Variants in UGT1A5 observed in about 807,000 individuals in gnomAD.
UGT1A5 encodes the protein UDP glucuronosyltransferase family 1 member A5.
UGT1A5 carries 29 observed loss-of-function variants against 40.3 expected under a neutral mutation model. That is an observed-to-expected ratio of 0.72 (90% CI 0.54 to 0.98). The LOEUF is 0.98. Among genes scored for constraint, UGT1A5 ranks in the 50% least tolerant of loss-of-function variants. The pLI is 0.00. For missense variants in UGT1A5, 678 were observed against 677.9 expected (o/e 1.00, Z 0.00); for synonymous variants, 257 against 262.5 (o/e 0.98, Z 0.20).
In UGT1A5 at chr2:233,713,517, A is replaced by G. The variant is rs191789950; in HGVS notation, c.526A>G (p.Ile176Val). The G allele has an allele frequency of 1.2e-6, 2 of 1,613,958 alleles. No homozygotes were observed. The highest frequency in any genetic ancestry group is 1.7e-6 in the Non-Finnish European group (2 of 1,179,872). ...TCCTGCTGTGTTTTTCTTGAGGAAC[A>G]TTCCATGTGATTTAGACTTTAAGGG... ...SIPAVFFLRN[I>V]PCDLDFKGTQ... The change falls in exon 1 of 5, where the codon ATT becomes GTT. Residue 176 changes from isoleucine (I) to valine (V), a missense_variant. Ile to Val is a conservative substitution (Grantham distance 29). Transcript: ENST00000373414.
chr2:233,733,268 A>G (rs2078375878), intron 1 of UGT1A5, among the ~76,000 whole-genome samples: 1 of 152,120 alleles, frequency 6.6e-6, no homozygotes. Flanking sequence ...GGACTATTTG[A>G]CTTCCTCTTT....
chr2:233,732,917 C>T (rs958837276), intron 1 of UGT1A5, among the ~76,000 whole-genome samples: 38 of 152,062 alleles, frequency 2.5e-4, no homozygotes, highest in Non-Finnish European at 3.8e-4. Context: ...GCCATTTTCA[C>T]GATATTGATT....
intron 1 of UGT1A5, among the ~76,000 whole-genome samples, chr2:233,736,744 G>A (rs1355723073): frequency 6.6e-6 from 1 of 152,214 alleles, no homozygotes; most frequent in Non-Finnish European, 1.5e-5. Context: ...GTTCCTTTCT[G>A]TTTGTTAGTT....
At chr2:233,766,684 A>G (rs935932983) in intron 1 of UGT1A5, among the ~76,000 whole-genome samples, 1 of 152,094 alleles carries the variant, frequency 6.6e-6, no homozygotes, top group Non-Finnish European at 1.5e-5. Flanking sequence ...TCCCTTCTGT[A>G]TCACTGATGC....
chr2:233,747,892 T>C, intron 1 of UGT1A5: 9 of 1,613,604 alleles, frequency 5.6e-6, no homozygotes, highest in Non-Finnish European at 6.8e-6. Flanking sequence ...TGCCATGCTC[T>C]TTCTGCTCCT....
At chr2:233,763,911 C>G (rs1698426001) in intron 1 of UGT1A5, among the ~76,000 whole-genome samples, 2 of 152,076 alleles carry the variant, frequency 1.3e-5, no homozygotes, top group Admixed American at 1.3e-4. Context: ...TAGTGAGGAC[C>G]AAGGCTTCGA....
Position 233,713,149 on chromosome 2 carries a change from C to G in UGT1A5, c.158C>G (p.Ala53Gly). 3.1e-6 allele frequency: 5 copies of G among 1,614,172 alleles called. No homozygotes were observed. The highest frequency in any genetic ancestry group is 4.2e-6 in the Non-Finnish European group (5 of 1,180,030). The change falls in exon 1 of 5, where the codon GCG becomes GGG. Residue 53 changes from alanine to glycine, a missense_variant. By Grantham distance (60) the Ala-to-Gly change is moderately conservative. Coordinates refer to ENST00000373414, the MANE Select transcript of UGT1A5 (RefSeq NM_019078.2). ...CGGGAGGCCTTGCGGGACCTCCATG[C>G]GAGAGGCCACCAGGTGGTGGTCCTC... ...SMREALRDLHARGHQVVVLTL... is the reference protein window; with the variant it reads ...SMREALRDLHGRGHQVVVLTL...
At chr2:233,743,383 G>A (rs1366748505) in intron 1 of UGT1A5, 1 of 1,197,714 alleles carries the variant, frequency 8.3e-7, no homozygotes, top group Non-Finnish European at 1.1e-6. Context: ...ACTACCGTAG[G>A]ACATGCAGAA....
rs1295748799 is a variant in UGT1A5 at position 233,713,717 on chromosome 2, G to A, written c.726G>A (p.Glu242=). The A allele has an allele frequency of 6.2e-7, 1 of 1,613,946 alleles. No homozygotes were observed. Among genetic ancestry groups the A allele is most frequent in the East Asian group, 2.2e-5 (1 of 44,876 alleles). ...TTGCCTCTGAGCTTTTTCAGAGAGA[G>A]GTGTCAGTGGTGGATCTTGTCAGCC... is the stretch of plus-strand genomic sequence containing the variant. ...ASLASELFQR[E]VSVVDLVSHA... is the part of the protein sequence containing the mutation. Residue 242 remains glutamate, a synonymous_variant, in exon 1 of 5, where the codon GAG becomes GAA. Coordinates refer to ENST00000373414, the MANE Select transcript of UGT1A5 (RefSeq NM_019078.2).
chr2:233,757,535 AAT>A (rs67292694), intron 1 of UGT1A5, among the ~76,000 whole-genome samples: 3,097 of 88,180 alleles, frequency 0.035, 322 homozygotes, highest in African/African-American at 0.14. Context: ...GCCTGTAAGG[AAT>A]ATATATATAT....
At chr2:233,754,968 C>T in intron 1 of UGT1A5, 3 of 1,303,126 alleles carry the variant, frequency 2.3e-6, no homozygotes, top group Non-Finnish European at 2.1e-6. Context: ...AAAGAACTCC[C>T]TGAAGACCTC....
At chr2:233,743,654 T>C in intron 1 of UGT1A5, 1 of 1,367,284 alleles carries the variant, frequency 7.3e-7, no homozygotes, top group Non-Finnish European at 9.8e-7. Context: ...GAAGACGTAC[T>C]CGAAGGGGTC....
At chr2:233,718,875 C>T in intron 1 of UGT1A5, 1 of 1,613,984 alleles carries the variant, frequency 6.2e-7, no homozygotes, top group Middle Eastern at 1.7e-4. Context: ...ACTGCTGCTC[C>T]TCCTCAGTGT....
intron 1 of UGT1A5, chr2:233,756,307 C>T (rs1373805537): frequency 6.6e-6 from 1 of 152,200 alleles, no homozygotes; most frequent in Non-Finnish European, 1.5e-5. Context: ...ATATAACCTA[C>T]CCATATCCTC....
At position 233,769,394 on chromosome 2, in the gene UGT1A5, T is replaced by C; in HGVS notation, c.1307+955T>C. On this transcript the variant is annotated intron_variant, in intron 4 of 4. Transcript: ENST00000373414. The surrounding 1 kb of genome is among the most constrained non-coding windows in gnomAD (Gnocchi z 4.4). The stretch of plus-strand genomic sequence containing the variant: ...ATTTCATCCGACAATAGATACTGTG[T>C]GCATATGTGCGTGTGCGTTTGTGCA... 1 of 1,112,930 alleles carries C rather than the reference T, an allele frequency of 9.0e-7. No homozygotes were observed. Among genetic ancestry groups the C allele is most frequent in the South Asian group, 1.4e-5 (1 of 69,644 alleles). 68.9% of individuals were successfully genotyped at this position (1,112,930 alleles called of 1,614,324 possible).
At chr2:233,756,026 C>T (rs573577160) in intron 1 of UGT1A5, 1 of 152,204 alleles carries the variant, frequency 6.6e-6, no homozygotes, top group Non-Finnish European at 1.5e-5. Context: ...TACACATCCC[C>T]CATGTAGCTT....
chr2:233,772,579 G>A lies in UGT1A5; in HGVS notation c.*20G>A. ...CATTGAGAAGTGGGTGGGAAATAAG[G>A]TAAAATTTTGAACCATTCCCTAGTC... On this transcript the variant is annotated 3_prime_UTR_variant, in exon 5 of 5. Transcript: ENST00000373414. The A allele has an allele frequency of 6.2e-7, 1 of 1,608,678 alleles. No homozygotes were observed. Among genetic ancestry groups the A allele is most frequent in the Non-Finnish European group, 8.5e-7 (1 of 1,177,120 alleles).
At chr2:233,772,210 A>AT in intron 4 of UGT1A5, 52 bp from the exon 5 acceptor site, 1 of 1,610,530 alleles carries the variant, frequency 6.2e-7, no homozygotes, top group Non-Finnish European at 8.5e-7. Context: ...TAAAGAGAGG[A>AT]TTGTTCATAC....
chr2:233,751,278 T>A (rs932458563), intron 1 of UGT1A5, among the ~76,000 whole-genome samples: 3 of 151,934 alleles, frequency 2.0e-5, no homozygotes, highest in African/African-American at 7.3e-5. Flanking sequence ...TTTTGGCCAG[T>A]TTCTCCCATT....
Sources: allele counts gnomAD v4.1 joint callset (sites outside exome capture counted in the v4.1 genomes callset), GRCh38; gene constraint gnomAD v4.1.1; non-coding constraint Gnocchi (gnomAD v3.1); transcripts MANE v1.5; gene names NCBI Gene and HGNC (gene_info 2026-07-23, HGNC 2026-07-21).